The following C7orf33 variants were observed in gnomAD, a reference collection of about 807,000 sequenced individuals.
C7orf33 encodes the protein uncharacterized protein C7orf33.
In C7orf33, 15 loss-of-function variants were observed where a neutral mutation model predicts 13.4. The ratio of observed to expected loss-of-function variants is 1.12; its 90% confidence interval spans 0.75 to 1.72. C7orf33 has a LOEUF of 1.72. C7orf33 is among the 40% of genes most tolerant of loss of function. The pLI is 0.00. For missense variants in C7orf33, 187 were observed against 220.3 expected (o/e 0.85, Z 0.96); for synonymous variants, 73 against 83.2 (o/e 0.88, Z 0.67).
chr7:148,610,894 CA>C (rs1316838320), intron 1 of C7orf33, among the ~76,000 whole-genome samples: 1 of 152,200 alleles, frequency 6.6e-6, no homozygotes, highest in East Asian at 1.9e-4. Flanking sequence ...CCTTCTGCTC[CA>C]CAATCCACCC....
intron 1 of C7orf33, among the ~76,000 whole-genome samples, chr7:148,608,750 G>A (rs1314401554): frequency 2.0e-5 from 3 of 152,138 alleles, no homozygotes; most frequent in African/African-American, 7.2e-5. Flanking sequence ...CTGGGAGGCG[G>A]AGGTTGCAGT....
At chr7:148,591,724 C>G (rs78377334) in intron 1 of C7orf33, among the ~76,000 whole-genome samples, 1,938 of 152,194 alleles carry the variant, frequency 0.013, 33 homozygotes, top group African/African-American at 0.044. Flanking sequence ...AGGACTACAG[C>G]CATGTGCCAT....
In C7orf33 at chr7:148,591,101, A is replaced by C. The variant is rs768477392; in HGVS notation, c.176A>C (p.Asn59Thr). 6.2e-7 allele frequency: 1 copy of C among 1,613,404 alleles called. No individual in the cohort carries two copies. Among genetic ancestry groups the C allele is most frequent in the East Asian group, 2.2e-5 (1 of 44,874 alleles). The change falls in exon 1 of 3, where the codon AAC (asparagine) becomes ACC (threonine). Residue 59 changes from asparagine to threonine, a missense_variant. Transcript: ENST00000307003. ...VHVRGGPGQF[N>T]LSYATGRHKK... ...GTTAGGGGCGGTCCAGGTCAATTTA[A>C]CTTGTCATATGCCACGGGAAGACAT... is the stretch of plus-strand genomic sequence containing the variant.
intron 1 of C7orf33, among the ~76,000 whole-genome samples, chr7:148,593,408 A>T (rs1181048915): frequency 1.3e-5 from 2 of 151,970 alleles, no homozygotes; most frequent in Non-Finnish European, 2.9e-5. Flanking sequence ...AATTACAGGC[A>T]CCTGCCACCA....
At chr7:148,606,931 A>AAAACACACACACACACAC (rs761219669) in intron 1 of C7orf33, among the ~76,000 whole-genome samples, 1 of 20,160 alleles carries the variant, frequency 5.0e-5, no homozygotes. Context: ...TTAAAAAAAA[A>AAAACACACACACACACAC]ATACACACAC....
intron 1 of C7orf33, among the ~76,000 whole-genome samples, chr7:148,611,554 A>G (rs115755089): frequency 0.016 from 2,481 of 152,146 alleles, 75 homozygotes; most frequent in African/African-American, 0.057. Flanking sequence ...CTCCCCATCC[A>G]TGTTGCTGAG....
intron 1 of C7orf33, among the ~76,000 whole-genome samples, chr7:148,597,320 C>T (rs1796351588): frequency 6.6e-6 from 1 of 151,950 alleles, no homozygotes; most frequent in African/African-American, 2.4e-5. Flanking sequence ...TTCACTCTGT[C>T]ACCAAGGCTG....
chr7:148,601,840 T>G lies in C7orf33; in HGVS notation c.204+10711T>G, dbSNP rs1397932742. Among the ~76,000 whole-genome samples, 3 of 152,108 alleles carry G rather than the reference T, an allele frequency of 2.0e-5. No individual in the cohort carries two copies. In the East Asian group the frequency reaches 5.8e-4, roughly 29 times the overall value. On this transcript the variant is annotated intron_variant, in intron 1 of 2. Transcript: ENST00000307003. ...ATAACTCACTAGAGTCTCGAACTCC[T>G]GGGCTCAAGTAATCCTCCCACCTCA...
chr7:148,599,998 A>G (rs1182302686), intron 1 of C7orf33, among the ~76,000 whole-genome samples: 1 of 152,196 alleles, frequency 6.6e-6, no homozygotes, highest in Non-Finnish European at 1.5e-5. Flanking sequence ...TGCGTGTAGG[A>G]AAGAGCCTCC....
chr7:148,593,602 A>T (rs1796293570), intron 1 of C7orf33, among the ~76,000 whole-genome samples: 2 of 152,158 alleles, frequency 1.3e-5, no homozygotes, highest in Admixed American at 1.3e-4. Context: ...TTGCCTTCAT[A>T]ATAACATGTT....
intron 1 of C7orf33, among the ~76,000 whole-genome samples, chr7:148,599,980 G>A (rs966134440): frequency 2.0e-5 from 3 of 152,204 alleles, no homozygotes; most frequent in African/African-American, 7.2e-5. Flanking sequence ...CACTTTGGGA[G>A]GACAGGCTGC....
chr7:148,596,752 A>T (rs1197116957), intron 1 of C7orf33, among the ~76,000 whole-genome samples: 2 of 152,108 alleles, frequency 1.3e-5, no homozygotes, highest in African/African-American at 2.4e-5. Context: ...CAACCAAACC[A>T]TATCAACTGC....
chr7:148,596,260 C>A (rs1796337423), intron 1 of C7orf33, among the ~76,000 whole-genome samples: 2 of 152,178 alleles, frequency 1.3e-5, no homozygotes, highest in South Asian at 2.1e-4. Flanking sequence ...CTTCCCCCAC[C>A]AGAATGGTGG....
chr7:148,597,876 C>G (rs1397143555), intron 1 of C7orf33, among the ~76,000 whole-genome samples: 1 of 152,156 alleles, frequency 6.6e-6, no homozygotes, highest in Non-Finnish European at 1.5e-5. Flanking sequence ...CTGCCTTAGC[C>G]TCCCGAGTAG....
intron 1 of C7orf33, among the ~76,000 whole-genome samples, chr7:148,605,494 T>A (rs1796462462): frequency 6.6e-6 from 1 of 152,212 alleles, no homozygotes; most frequent in Admixed American, 6.5e-5. Flanking sequence ...AGTTTCCTCC[T>A]GTCTGCTCAC....
intron 1 of C7orf33, among the ~76,000 whole-genome samples, chr7:148,591,844 G>A (rs1458508937): frequency 6.6e-6 from 1 of 152,072 alleles, no homozygotes; most frequent in South Asian, 2.1e-4. Context: ...ACATCCCGAA[G>A]TGCCACCCAT....
chr7:148,603,604 A>T (rs959272236), intron 1 of C7orf33, among the ~76,000 whole-genome samples: 1 of 152,220 alleles, frequency 6.6e-6, no homozygotes, highest in Non-Finnish European at 1.5e-5. Flanking sequence ...AGTTTGGAAG[A>T]GGAGGCATCT....
intron 1 of C7orf33, among the ~76,000 whole-genome samples, chr7:148,603,180 G>A (rs967431692): frequency 6.6e-6 from 1 of 152,152 alleles, no homozygotes; most frequent in Non-Finnish European, 1.5e-5. Flanking sequence ...CAGGTTCCTA[G>A]CGGTGGCAGA....
intron 1 of C7orf33, among the ~76,000 whole-genome samples, chr7:148,595,630 CATCTATATTATATAGATATAATATAG>C (rs67055222): frequency 0.12 from 10,582 of 88,728 alleles, 1,816 homozygotes; most frequent in African/African-American, 0.43. Flanking sequence ...ATATAATATA[CATCTATATTATATAGATATAATATAG>C]ATCTATATTA....
Sources: gnomAD v4.1 joint callset for allele counts (sites outside exome capture counted in the v4.1 genomes callset) on GRCh38, gnomAD v4.1.1 for gene constraint, MANE v1.5 for transcripts, NCBI Gene and HGNC (gene_info 2026-07-23, HGNC 2026-07-21) for gene names.